AP2A2: variants seen among roughly 807,000 people sequenced by gnomAD.
AP2A2 encodes the protein adaptor related protein complex 2 subunit alpha 2, also known as AP-2 complex subunit alpha-2.
AP2A2 carries 32 observed loss-of-function variants against 104.2 expected under a neutral mutation model. The observed-to-expected ratio is 0.31, with a 90% CI of 0.23 to 0.41. AP2A2 has a LOEUF of 0.41. Ranked by LOEUF, AP2A2 falls within the 10% of genes least tolerant of loss-of-function variation. The pLI is 1.00. For missense variants in AP2A2, 912 were observed against 1,261.0 expected, an observed-to-expected ratio of 0.72 and a Z score of 4.19; for synonymous variants, 539 against 533.3, an observed-to-expected ratio of 1.01 and a Z score of -0.15.
intron 5 of AP2A2, among the ~76,000 whole-genome samples, chr11:977,784 G>A (rs530719080): frequency 6.6e-6 from 1 of 152,124 alleles, no homozygotes; most frequent in East Asian, 1.9e-4. Context: ...GAATGTGCTT[G>A]TCCTGCCTGA....
chr11:946,205 T>G (rs914575832), intron 1 of AP2A2, among the ~76,000 whole-genome samples: 1 of 152,142 alleles, frequency 6.6e-6, no homozygotes, highest in African/African-American at 2.4e-5. Flanking sequence ...CTCAACCTCC[T>G]CCCATTCTCT....
intron 1 of AP2A2, chr11:933,427 C>G: frequency 4.7e-6 from 2 of 429,944 alleles, no homozygotes; most frequent in East Asian, 7.2e-5. Flanking sequence ...GTTGAAACGT[C>G]TTGAAAAGCA....
intron 1 of AP2A2, among the ~76,000 whole-genome samples, chr11:928,569 G>T (rs900789836): frequency 1.3e-5 from 2 of 152,264 alleles, no homozygotes. Flanking sequence ...ACTGTTCTGT[G>T]CCTTTTAGGA....
intron 17 of AP2A2, chr11:1,007,117 G>A (rs1046285493): frequency 6.4e-6 from 1 of 155,514 alleles, no homozygotes; most frequent in Non-Finnish European, 1.4e-5. Flanking sequence ...AAAACAGGGA[G>A]ACGCTAACGT....
chr11:979,714 G>C (rs1227346988), intron 5 of AP2A2, among the ~76,000 whole-genome samples: 1 of 152,136 alleles, frequency 6.6e-6, no homozygotes, highest in African/African-American at 2.4e-5. Context: ...GGCGAGGCGA[G>C]TGCCACCACG....
At chr11:959,614 C>A in intron 2 of AP2A2, 109 bp downstream of exon 2, 1 of 726,600 alleles carries the variant, frequency 1.4e-6, no homozygotes, top group Non-Finnish European at 2.3e-6. Flanking sequence ...GTGAAGTTCT[C>A]AGTTTGTACA....
rs565372389 is a variant in AP2A2, at chr11:990,990, G to A, written c.1270-1513G>A. 1.4e-4 allele frequency among the ~76,000 whole-genome samples: 17 copies of A among 121,986 alleles called. 1 individual carries two copies. The South Asian group carries it at 2.0e-3, about 14-fold the overall frequency. 80.0% of individuals were successfully genotyped at this position (121,986 alleles called of 152,430 possible). On this transcript the variant is annotated intron_variant, in intron 10 of 21. Transcript: ENST00000448903. ...TCAGTCGGGTATGGTGCTCCCCTCCGTCCTTTTAGCCGGGCATGGTGCTCC... is the reference window on the plus strand; with the variant it reads ...TCAGTCGGGTATGGTGCTCCCCTCCATCCTTTTAGCCGGGCATGGTGCTCC...
At chr11:976,966 C>A in intron 4 of AP2A2, 129 bp from the exon 5 acceptor site, 1 of 1,300,750 alleles carries the variant, frequency 7.7e-7, no homozygotes, top group Non-Finnish European at 1.1e-6. Context: ...CGGCAGGCGG[C>A]CCTGAGTGCT....
chr11:931,654 G>A lies in AP2A2; in HGVS notation c.67+5566G>A, dbSNP rs958238043. On this transcript the variant is annotated intron_variant, in intron 1 of 21. Coordinates refer to ENST00000448903, the MANE Select transcript of AP2A2 (RefSeq NM_012305.4). ...CTCACATGAAGGGGAAACAGATGGA[G>A]AGATGTTATTAGCAAGATGGCAAAA... is the stretch of plus-strand genomic sequence containing the variant. Among the ~76,000 whole-genome samples the A allele has an allele frequency of 6.6e-5, 10 of 152,194 alleles. 1 individual carries two copies. The highest frequency in any genetic ancestry group is 4.6e-4 in the Admixed American group (7 of 15,274).
intron 2 of AP2A2, among the ~76,000 whole-genome samples, chr11:959,792 A>C (rs942646429): frequency 6.6e-6 from 1 of 152,098 alleles, no homozygotes; most frequent in African/African-American, 2.4e-5. Context: ...GGGGGTTCAG[A>C]GGACAGACAC....
chr11:1,007,334 C>A (rs1055042855), intron 17 of AP2A2: 1 of 153,358 alleles, frequency 6.5e-6, no homozygotes, highest in Non-Finnish European at 1.5e-5. Flanking sequence ...AATACACATG[C>A]AGGAGCACCT....
chr11:970,180 C>T lies in AP2A2; in HGVS notation c.148C>T (p.Leu50Phe), dbSNP rs1167955128. The T allele has an allele frequency of 6.2e-7, 1 of 1,613,910 alleles. No individual in the cohort carries two copies. Among genetic ancestry groups the T allele is most frequent in the Non-Finnish European group, 8.5e-7 (1 of 1,179,854 alleles). Residue 50 changes from leucine (L) to phenylalanine (F), a missense_variant, in exon 3 of 22, where the codon CTT becomes TTT. Around this residue, in one of 7 missense-constraint regions of AP2A2, gnomAD observed 17 missense variants for 57.3 expected, o/e 0.30. Coordinates refer to ENST00000448903, the MANE Select transcript of AP2A2 (RefSeq NM_012305.4). ...CACCTTTTCTGTAGGTGACAAGGCT[C>T]TTGATGGCTATAGTAAAAAAAAGTA... ...IRSKFKGDKA[L>F]DGYSKKKYVC...
chr11:947,174 C>A (rs1853874394), intron 1 of AP2A2, among the ~76,000 whole-genome samples: 1 of 151,978 alleles, frequency 6.6e-6, no homozygotes, highest in Non-Finnish European at 1.5e-5. Flanking sequence ...CCAGGCCCAG[C>A]TAATTTTTGT....
At chr11:938,500 A>G (rs1200919978) in intron 1 of AP2A2, among the ~76,000 whole-genome samples, 2 of 147,724 alleles carry the variant, frequency 1.4e-5, no homozygotes, top group Non-Finnish European at 3.0e-5. Context: ...TTTGAGACAG[A>G]GTCTCACTCT....
chr11:979,810 G>A (rs1212895183), intron 5 of AP2A2, among the ~76,000 whole-genome samples: 1 of 152,150 alleles, frequency 6.6e-6, no homozygotes, highest in South Asian at 2.1e-4. Flanking sequence ...CAGGGGATCC[G>A]CCTGCTTCGG....
chr11:1,009,584 A>G, intron 20 of AP2A2, 99 bp from the exon 21 acceptor site: 1 of 996,874 alleles, frequency 1.0e-6, no homozygotes, highest in Non-Finnish European at 1.4e-6. Context: ...GGGGACACGC[A>G]GCCCACGACC....
chr11:992,498 C>G lies in AP2A2; in HGVS notation c.1270-5C>G, dbSNP rs563489492. The G allele has an allele frequency of 2.9e-5, 46 of 1,579,846 alleles. No individual in the cohort carries two copies. In the South Asian group the frequency reaches 3.6e-4, roughly 12 times the overall value. Reference sequence around the variant, plus strand: ...TGCCGGCCCTCAGCAGCCTGTCCCCCACAGGTGCTGAAGGTCGCCATCCTG... The same window carrying G: ...TGCCGGCCCTCAGCAGCCTGTCCCCGACAGGTGCTGAAGGTCGCCATCCTG... On this transcript the variant is annotated splice_region_variant and splice_polypyrimidine_tract_variant and intron_variant, in intron 10 of 21. Transcript: ENST00000448903. This position sits in a 1 kb window ranked among gnomAD's most constrained non-coding sequence, Gnocchi z 6.4.
At chr11:1,009,662 T>C (rs751265449) in intron 20 of AP2A2, 21 bp from the exon 21 acceptor site, 60 of 1,547,816 alleles carry the variant, frequency 3.9e-5, no homozygotes, top group Non-Finnish European at 4.7e-5. Context: ...AGGGTCCTCA[T>C]TCTCCTGTTT....
chr11:1,011,539 A>G lies in AP2A2; in HGVS notation c.*914A>G, dbSNP rs1564827209. 6 of 477,786 alleles carry G rather than the reference A, an allele frequency of 1.3e-5. No homozygotes were observed. The highest frequency in any genetic ancestry group is 2.5e-5 in the Non-Finnish European group (6 of 239,270). The allele number at this position is 477,786 out of a possible 1,614,324, so 29.6% of individuals were successfully genotyped here. On this transcript the variant is annotated 3_prime_UTR_variant, in exon 22 of 22. Coordinates refer to ENST00000448903, the MANE Select transcript of AP2A2 (RefSeq NM_012305.4). Reference sequence around the variant, plus strand: ...GTGAAGGGGCCATTGGCCGCATGCCATGTGCCACCTGCGGCTTGTGTCTCA... The same window carrying G: ...GTGAAGGGGCCATTGGCCGCATGCCGTGTGCCACCTGCGGCTTGTGTCTCA...
Sources: allele counts gnomAD v4.1 joint callset (sites outside exome capture counted in the v4.1 genomes callset), GRCh38; gene constraint gnomAD v4.1.1; regional missense constraint gnomAD v4.1.1; non-coding constraint Gnocchi (gnomAD v3.1); transcripts MANE v1.5; gene names NCBI Gene and HGNC (gene_info 2026-07-23, HGNC 2026-07-21).